ZCWPW2: variants seen among roughly 807,000 people sequenced by gnomAD.
The protein encoded by ZCWPW2 is zinc finger CW-type PWWP domain protein 2.
Under a neutral mutation model 46.6 loss-of-function variants are expected in ZCWPW2, and 45 were observed. The observed-to-expected ratio is 0.96, with a 90% confidence interval of 0.76 to 1.24. The LOEUF is 1.24. ZCWPW2 is among the 50% of genes most tolerant of loss of function. ZCWPW2 has a pLI of 0.00. For synonymous variants in ZCWPW2, 152 were observed against 137.1 expected, an observed-to-expected ratio of 1.11 and a Z score of -0.76; for missense variants, 429 against 403.9, an observed-to-expected ratio of 1.06 and a Z score of -0.53.
intron 4 of ZCWPW2, among the ~76,000 whole-genome samples, chr3:28,453,831 A>T (rs534364857): frequency 5.8e-4 from 83 of 142,046 alleles, no homozygotes; most frequent in African/African-American, 2.0e-3. Context: ...TTATTTATTT[A>T]TTTTTATTTT....
At chr3:28,402,769 A>G (rs1443321419) in intron 2 of ZCWPW2, among the ~76,000 whole-genome samples, 2 of 152,236 alleles carry the variant, frequency 1.3e-5, no homozygotes, top group East Asian at 3.8e-4. Flanking sequence ...AATGTGATAT[A>G]CCACATAAAC....
intron 5 of ZCWPW2, among the ~76,000 whole-genome samples, chr3:28,487,914 C>G (rs543393609): frequency 1.1e-4 from 17 of 152,132 alleles, no homozygotes; most frequent in African/African-American, 4.1e-4. Flanking sequence ...CCAGGTCAGG[C>G]TGGGGTTAGG....
chr3:28,430,989 A>G (rs1186626239), intron 3 of ZCWPW2, among the ~76,000 whole-genome samples: 2 of 152,200 alleles, frequency 1.3e-5, no homozygotes, highest in East Asian at 3.9e-4. Flanking sequence ...GAACTAATAC[A>G]AGTAATAACT....
intron 5 of ZCWPW2, among the ~76,000 whole-genome samples, chr3:28,489,342 A>G (rs1320571158): frequency 1.3e-5 from 2 of 151,968 alleles, no homozygotes; most frequent in African/African-American, 4.8e-5. Flanking sequence ...ACTTTTTTTT[A>G]AAGATACAAC....
At chr3:28,477,275 C>T (rs992870866) in intron 4 of ZCWPW2, among the ~76,000 whole-genome samples, 2 of 152,116 alleles carry the variant, frequency 1.3e-5, no homozygotes, top group African/African-American at 4.8e-5. Flanking sequence ...AAATAACTTA[C>T]TTAATGAATG....
intron 3 of ZCWPW2, among the ~76,000 whole-genome samples, chr3:28,414,422 G>C (rs1468215633): frequency 6.6e-6 from 1 of 151,490 alleles, no homozygotes; most frequent in East Asian, 1.9e-4. Flanking sequence ...ATGGGGGTTT[G>C]TTGTGAAGAT....
Position 28,526,256 on chromosome 3 carries a change from C to T in ZCWPW2, c.*1568C>T, listed in dbSNP as rs181541145. Among the ~76,000 whole-genome samples the T allele has an allele frequency of 7.0e-4, 106 of 152,140 alleles. No individual in the cohort carries two copies. The highest frequency in any genetic ancestry group is 2.4e-3 in the African/African-American group (98 of 41,434). On this transcript the variant is annotated 3_prime_UTR_variant, in exon 10 of 10. Coordinates refer to ENST00000383768, the MANE Select transcript of ZCWPW2 (RefSeq NM_001040432.4). ...ATTACTGAGATAAAATGTAACTATA[C>T]ATTTGAAATGATCAGTTTTCTTTCT... is the stretch of plus-strand genomic sequence containing the variant.
intron 2 of ZCWPW2, among the ~76,000 whole-genome samples, chr3:28,412,340 A>G (rs1387326220): frequency 6.6e-6 from 1 of 151,976 alleles, no homozygotes; most frequent in African/African-American, 2.4e-5. Context: ...TTTAATTAAT[A>G]ATAAATAAAA....
intron 4 of ZCWPW2, among the ~76,000 whole-genome samples, chr3:28,451,659 A>G (rs575272660): frequency 3.4e-4 from 52 of 152,320 alleles, no homozygotes; most frequent in Non-Finnish European, 6.9e-4. Flanking sequence ...ATCTGGATTA[A>G]CATCTAATTA....
chr3:28,387,417 A>C (rs1390523369), intron 1 of ZCWPW2, among the ~76,000 whole-genome samples: 1 of 152,166 alleles, frequency 6.6e-6, no homozygotes, highest in African/African-American at 2.4e-5. Flanking sequence ...TTGAAGTGAG[A>C]TGCGAAGGCT....
At chr3:28,474,878 G>C (rs1699181953) in intron 4 of ZCWPW2, among the ~76,000 whole-genome samples, 2 of 152,044 alleles carry the variant, frequency 1.3e-5, no homozygotes, top group Admixed American at 6.6e-5. Context: ...TGCCAGGCTA[G>C]AGTGCAGTGG....
At chr3:28,365,969 C>T (rs1159261724) in intron 1 of ZCWPW2, among the ~76,000 whole-genome samples, 1 of 146,340 alleles carries the variant, frequency 6.8e-6, no homozygotes, top group African/African-American at 2.5e-5. Context: ...TATAAGAATG[C>T]TTGTGATTTT....
chr3:28,401,035 C>T (rs923759155), intron 2 of ZCWPW2, among the ~76,000 whole-genome samples: 5 of 151,740 alleles, frequency 3.3e-5, no homozygotes, highest in African/African-American at 1.2e-4. Flanking sequence ...AAAAATTAGC[C>T]GGGCGTGGTG....
chr3:28,395,552 C>A (rs1317515385), intron 2 of ZCWPW2, among the ~76,000 whole-genome samples: 1 of 152,066 alleles, frequency 6.6e-6, no homozygotes, highest in African/African-American at 2.4e-5. Context: ...GTGGCTTTTA[C>A]ATACAATGGA....
rs146223235 is a variant in ZCWPW2 at position 28,457,047 on chromosome 3, C to A, written c.493-21767C>A. ...TTTGGAATAGTGTCAGTAGGAATGGCATCATCTCTTCTTTATACCTCTGCC... is the reference window on the plus strand; with the variant it reads ...TTTGGAATAGTGTCAGTAGGAATGGAATCATCTCTTCTTTATACCTCTGCC... On this transcript the variant is annotated intron_variant, in intron 4 of 9. Coordinates refer to ENST00000383768, the MANE Select transcript of ZCWPW2 (RefSeq NM_001040432.4). Among the ~76,000 whole-genome samples, 3 of 152,134 alleles carry A rather than the reference C, an allele frequency of 2.0e-5. No homozygotes were observed. In the East Asian group the frequency reaches 5.8e-4, roughly 29 times the overall value.
intron 9 of ZCWPW2, among the ~76,000 whole-genome samples, chr3:28,523,922 A>T (rs1367759226): frequency 6.6e-6 from 1 of 152,074 alleles, no homozygotes; most frequent in African/African-American, 2.4e-5. Context: ...CACAAATAAA[A>T]CAGAGTTTAC....
chr3:28,420,976 T>C (rs1283705488), intron 3 of ZCWPW2, among the ~76,000 whole-genome samples: 2 of 152,204 alleles, frequency 1.3e-5, no homozygotes, highest in Admixed American at 6.5e-5. Flanking sequence ...TTCTGAAATG[T>C]TCATTTGGTT....
intron 4 of ZCWPW2, among the ~76,000 whole-genome samples, chr3:28,453,837 ATTTTTT>A (rs1235044218): frequency 1.4e-5 from 2 of 138,806 alleles, no homozygotes; most frequent in African/African-American, 6.0e-5. Context: ...ATTTATTTTT[ATTTTTT>A]TTATTATTAT....
At chr3:28,400,454 A>G (rs2125727224) in intron 2 of ZCWPW2, among the ~76,000 whole-genome samples, 1 of 152,358 alleles carries the variant, frequency 6.6e-6, no homozygotes, top group African/African-American at 2.4e-5. Context: ...TGCAAAATTC[A>G]TCACAAAAAG....
Sources: allele counts gnomAD v4.1 joint callset (sites outside exome capture counted in the v4.1 genomes callset), GRCh38; gene constraint gnomAD v4.1.1; transcripts MANE v1.5; gene names NCBI Gene and HGNC (gene_info 2026-07-23, HGNC 2026-07-21).